PITPNC1: variants seen among roughly 807,000 people sequenced by gnomAD.
The protein encoded by PITPNC1 is cytoplasmic phosphatidylinositol transfer protein 1.
In PITPNC1, 18 loss-of-function variants were observed where a neutral mutation model predicts 44.7. That is an observed-to-expected ratio of 0.40 (90% CI 0.28 to 0.60). The LOEUF is 0.60. PITPNC1 is among the 20% of genes least tolerant of loss of function. The probability of loss-of-function intolerance (pLI) is 0.39; values close to 1 mark genes in which losing one functional copy is unlikely to be tolerated. For synonymous variants in PITPNC1, 141 were observed against 149.6 expected, an observed-to-expected ratio of 0.94 and a Z score of 0.42; for missense variants, 290 against 418.4, an observed-to-expected ratio of 0.69 and a Z score of 2.68.
intron 1 of PITPNC1, among the ~76,000 whole-genome samples, chr17:67,415,917 A>T (rs566376885): frequency 6.6e-6 from 1 of 152,214 alleles, no homozygotes; most frequent in Non-Finnish European, 1.5e-5. Flanking sequence ...ACCTAAAAAA[A>T]AAAAAATCCT....
intron 2 of PITPNC1, among the ~76,000 whole-genome samples, chr17:67,539,957 G>A (rs1360489431): frequency 6.6e-6 from 1 of 151,892 alleles, no homozygotes; most frequent in South Asian, 2.1e-4. Context: ...ACAGACAACC[G>A]CATATGTAAT....
rs769449588 is a variant in PITPNC1 at position 67,696,049 on chromosome 17, G to A, written c.*3161G>A. The A allele has an allele frequency of 1.3e-5, 2 of 152,326 alleles. No homozygotes were observed. Among genetic ancestry groups the A allele is most frequent in the African/African-American group, 2.4e-5 (1 of 41,576 alleles). The allele number at this position is 152,326 out of a possible 1,614,324, so 9.4% of individuals were successfully genotyped here. A position where few individuals can be genotyped will look rare whatever the true frequency, so the allele number is the denominator to read the frequency against. On this transcript the variant is annotated 3_prime_UTR_variant, in exon 9 of 9. Coordinates refer to ENST00000581322, the MANE Select transcript of PITPNC1 (RefSeq NM_012417.4). ...ACTCAAACAATATGGGTTTGTTGGT[G>A]AACTGATTTATCAAGGCTTCTGTTA...
chr17:67,479,560 C>T (rs2039676520), intron 1 of PITPNC1, among the ~76,000 whole-genome samples: 1 of 152,022 alleles, frequency 6.6e-6, no homozygotes, highest in African/African-American at 2.4e-5. Context: ...TTTTGAATCT[C>T]AATTAGTAAG....
At chr17:67,462,541 C>CT (rs1877004645) in intron 1 of PITPNC1, among the ~76,000 whole-genome samples, 1 of 150,738 alleles carries the variant, frequency 6.6e-6, no homozygotes, top group South Asian at 2.1e-4. Flanking sequence ...TGCACTTTTT[C>CT]TTTTTTCTGT....
chr17:67,605,886 A>G (rs915338226), intron 5 of PITPNC1, among the ~76,000 whole-genome samples: 1 of 152,244 alleles, frequency 6.6e-6, no homozygotes, highest in African/African-American at 2.4e-5. Flanking sequence ...GTTAATATTC[A>G]TAACAGCACA....
chr17:67,523,358 C>A (rs1233357727), intron 1 of PITPNC1, among the ~76,000 whole-genome samples: 4 of 152,164 alleles, frequency 2.6e-5, no homozygotes, highest in African/African-American at 9.7e-5. Flanking sequence ...TTTCTGGAAC[C>A]CGCAGCATAA....
At chr17:67,446,135 C>T (rs554391057) in intron 1 of PITPNC1, among the ~76,000 whole-genome samples, 8 of 151,704 alleles carry the variant, frequency 5.3e-5, no homozygotes, top group Admixed American at 4.6e-4. Context: ...TTGGTACAGA[C>T]GGGGTTTCAC....
At chr17:67,634,955 A>G (rs1451212518) in intron 6 of PITPNC1, among the ~76,000 whole-genome samples, 1 of 152,164 alleles carries the variant, frequency 6.6e-6, no homozygotes, top group Non-Finnish European at 1.5e-5. Flanking sequence ...CAGAAGACTG[A>G]GGCAGGAGAA....
intron 1 of PITPNC1, among the ~76,000 whole-genome samples, chr17:67,418,635 A>G (rs1339931474): frequency 1.3e-5 from 2 of 151,828 alleles, no homozygotes; most frequent in East Asian, 3.9e-4. Flanking sequence ...GTCTCGGCTC[A>G]CTGCAACCTC....
chr17:67,668,976 A>G (rs1245213571), intron 6 of PITPNC1, among the ~76,000 whole-genome samples: 1 of 152,252 alleles, frequency 6.6e-6, no homozygotes, highest in Non-Finnish European at 1.5e-5. Context: ...AGGTTGTGCA[A>G]CTGTCACCAC....
intron 4 of PITPNC1, among the ~76,000 whole-genome samples, chr17:67,564,610 G>A (rs1339271650): frequency 6.6e-6 from 1 of 152,062 alleles, no homozygotes; most frequent in Admixed American, 6.6e-5. Context: ...TAGGCTTCTA[G>A]GTATTCCTTA....
At chr17:67,647,464 G>GT (rs60407940) in intron 6 of PITPNC1, among the ~76,000 whole-genome samples, 24,242 of 71,798 alleles carry the variant, frequency 0.34, 6,640 homozygotes, top group Non-Finnish European at 0.48. Context: ...CTAATTTTGG[G>GT]TTTTTTTTTT....
At chr17:67,533,687 A>C (rs902545885) in intron 2 of PITPNC1, among the ~76,000 whole-genome samples, 15 of 152,178 alleles carry the variant, frequency 9.9e-5, no homozygotes, top group African/African-American at 3.6e-4. Flanking sequence ...AGGGAATGAC[A>C]AAACAAACAG....
rs537605745 is a variant in PITPNC1 at position 67,500,808 on chromosome 17, C to A, written c.49-31994C>A. The stretch of plus-strand genomic sequence containing the variant: ...AAGTGATCCTCCCACCTCAGCCTCC[C>A]GAGTAGCTGGGACCGCAGGCGCGCA... On this transcript the variant is annotated intron_variant, in intron 1 of 8. Coordinates refer to ENST00000581322, the MANE Select transcript of PITPNC1 (RefSeq NM_012417.4). Among the ~76,000 whole-genome samples the A allele has an allele frequency of 4.6e-5, 7 of 151,912 alleles. No homozygotes were observed. The East Asian group carries it at 1.4e-3, about 29-fold the overall frequency.
At chr17:67,632,534 G>T in intron 6 of PITPNC1, 3 of 312,256 alleles carry the variant, frequency 9.6e-6, no homozygotes, top group African/African-American at 2.2e-5. Flanking sequence ...CACTGGCCTT[G>T]CTGAAAAACA....
At chr17:67,481,575 G>A (rs1436565078) in intron 1 of PITPNC1, among the ~76,000 whole-genome samples, 1 of 152,162 alleles carries the variant, frequency 6.6e-6, no homozygotes, top group Non-Finnish European at 1.5e-5. Flanking sequence ...CTGGGCTCAA[G>A]CGATTCCCCC....
chr17:67,444,676 C>T (rs1004811512), intron 1 of PITPNC1, among the ~76,000 whole-genome samples: 11 of 152,206 alleles, frequency 7.2e-5, no homozygotes, highest in Non-Finnish European at 1.3e-4. Flanking sequence ...GCAGGAGGAT[C>T]GCCCAAGGTC....
At chr17:67,583,896 T>TG (rs765743469) in intron 5 of PITPNC1, among the ~76,000 whole-genome samples, 15,078 of 106,544 alleles carry the variant, frequency 0.14, 1,171 homozygotes, top group African/African-American at 0.25. Flanking sequence ...TGTGTGTGTG[T>TG]TTGTGTGTGT....
At chr17:67,462,225 CT>C (rs549707875) in intron 1 of PITPNC1, among the ~76,000 whole-genome samples, 80 of 71,236 alleles carry the variant, frequency 1.1e-3, no homozygotes, top group African/African-American at 2.2e-3. Flanking sequence ...TTCTTTCTTT[CT>C]TTTTTTTTTT....
Sources: allele counts gnomAD v4.1 joint callset (sites outside exome capture counted in the v4.1 genomes callset), GRCh38; gene constraint gnomAD v4.1.1; transcripts MANE v1.5; gene names NCBI Gene and HGNC (gene_info 2026-07-23, HGNC 2026-07-21).